Variants in KLRF2 observed in about 807,000 individuals in gnomAD.
KLRF2 encodes killer cell lectin-like receptor subfamily F member 2.
Under a neutral mutation model 25.3 loss-of-function variants are expected in KLRF2, and 28 were observed. That is an observed-to-expected ratio of 1.11 (90% CI 0.82 to 1.52). KLRF2 has a LOEUF of 1.52. KLRF2 is among the 40% of genes most tolerant of loss of function. The probability of loss-of-function intolerance (pLI) is 0.00; values close to 1 mark genes in which losing one functional copy is unlikely to be tolerated. For synonymous variants in KLRF2, 73 were observed against 85.0 expected (o/e 0.86, Z 0.78); for missense variants, 265 against 245.8 (o/e 1.08, Z -0.52).
chr12:9,882,268 A>G (rs575694230), intron 1 of KLRF2, among the ~76,000 whole-genome samples: 1 of 152,334 alleles, frequency 6.6e-6, no homozygotes, highest in South Asian at 2.1e-4. Flanking sequence ...TCGCAGTGGC[A>G]GTTCTGCCAT....
chr12:9,881,512 C>A lies in KLRF2; in HGVS notation c.-84C>A. 1 of 1,015,808 alleles carries A rather than the reference C, an allele frequency of 9.8e-7. No homozygotes were observed. Among genetic ancestry groups the A allele is most frequent in the Non-Finnish European group, 1.5e-6 (1 of 689,472 alleles). 62.9% of individuals were successfully genotyped at this position (1,015,808 alleles called of 1,614,324 possible). On this transcript the variant is annotated 5_prime_UTR_variant, in exon 1 of 6. Transcript: ENST00000535540. ...TTAGTTTTCTTTTAGTACCTTGTGCCAAAGAGACATATCCAAGGTTGAGAT... is the reference window on the plus strand; with the variant it reads ...TTAGTTTTCTTTTAGTACCTTGTGCAAAAGAGACATATCCAAGGTTGAGAT...
At chr12:9,883,950 A>G (rs1868122064) in intron 1 of KLRF2, among the ~76,000 whole-genome samples, 1 of 152,206 alleles carries the variant, frequency 6.6e-6, no homozygotes, top group Admixed American at 6.5e-5. Context: ...GTTTGTTTAT[A>G]GATAAAAGAA....
chr12:9,887,826 T>G (rs1286135568), intron 2 of KLRF2, among the ~76,000 whole-genome samples: 20 of 148,070 alleles, frequency 1.4e-4, no homozygotes. Flanking sequence ...CCAAGGCAGG[T>G]GGAGCGCTTG....
Position 9,893,459 on chromosome 12 carries a change from C to T in KLRF2, c.397C>T (p.His133Tyr). Residue 133 changes from histidine to tyrosine, a missense_variant, in exon 5 of 6, where the codon CAT becomes TAT. Transcript: ENST00000535540. ...EFIQNSLKPG[H>Y]FGWIGLYVTF... ...CATACAGAACAGTTTAAAACCTGGACATTTTGGTTGGATTGGACTATATGT... is the reference window on the plus strand; with the variant it reads ...CATACAGAACAGTTTAAAACCTGGATATTTTGGTTGGATTGGACTATATGT... 1 of 1,505,058 alleles carries T rather than the reference C, an allele frequency of 6.6e-7. No homozygotes were observed. Among genetic ancestry groups the T allele is most frequent in the Non-Finnish European group, 8.9e-7 (1 of 1,120,432 alleles). The allele number at this position is 1,505,058 out of a possible 1,614,324, so 93.2% of individuals were successfully genotyped here. A position where few individuals can be genotyped will look rare whatever the true frequency, so the allele number is the denominator to read the frequency against.
At chr12:9,892,297 C>T (rs1170384726) in intron 3 of KLRF2, among the ~76,000 whole-genome samples, 1 of 152,094 alleles carries the variant, frequency 6.6e-6, no homozygotes, top group Non-Finnish European at 1.5e-5. Flanking sequence ...AGAATAAGTA[C>T]CCAATGCATC....
At chr12:9,884,127 A>G (rs1868124443) in intron 1 of KLRF2, among the ~76,000 whole-genome samples, 1 of 152,128 alleles carries the variant, frequency 6.6e-6, no homozygotes, top group Non-Finnish European at 1.5e-5. Context: ...TATACATCCA[A>G]TTTATTCAAA....
rs141327204 is a variant in KLRF2 at position 9,894,126 on chromosome 12, TTCTCTC to T, written c.479+608_479+613del. 9.5e-3 allele frequency among the ~76,000 whole-genome samples: 1,235 copies of T among 130,274 alleles called. 14 individuals are homozygous for T. Among genetic ancestry groups the T allele is most frequent in the African/African-American group, 0.031 (1,051 of 33,846 alleles). The allele number at this position is 130,274 out of a possible 152,430, so 85.5% of individuals were successfully genotyped here. A position where few individuals can be genotyped will look rare whatever the true frequency, so the allele number is the denominator to read the frequency against. ...CTCTTTTTCTTTTTCTTTCTTTTCT[TTCTCTC>T]TCTCTCTCTCTCTCTCTCTCTCCCT... On this transcript the variant is annotated intron_variant, in intron 5 of 5. Coordinates refer to ENST00000535540, the MANE Select transcript of KLRF2 (RefSeq NM_001190765.1).
intron 2 of KLRF2, among the ~76,000 whole-genome samples, chr12:9,887,276 G>A (rs1186088324): frequency 6.6e-6 from 1 of 152,042 alleles, no homozygotes; most frequent in Non-Finnish European, 1.5e-5. Flanking sequence ...AGAAAGAGAT[G>A]ATAGATTAGA....
intron 2 of KLRF2, 138 bp from the exon 3 acceptor site, chr12:9,888,595 G>C (rs1862634570): frequency 2.0e-6 from 1 of 511,538 alleles, no homozygotes; most frequent in African/African-American, 1.9e-5. Context: ...GGAAGAAGAG[G>C]AGTGGATGCA....
intron 2 of KLRF2, among the ~76,000 whole-genome samples, chr12:9,886,278 G>A (rs959393658): frequency 6.6e-6 from 1 of 151,962 alleles, no homozygotes; most frequent in South Asian, 2.1e-4. Flanking sequence ...ATGGCTTCCA[G>A]TCAAAATGGA....
chr12:9,885,173 A>G (rs1868136072), intron 2 of KLRF2, 141 bp downstream of exon 2: 1 of 328,218 alleles, frequency 3.0e-6, no homozygotes, highest in Non-Finnish European at 5.4e-6. Flanking sequence ...AAATTTAAAA[A>G]ATTAAATGCT....
At position 9,889,227 on chromosome 12, in the gene KLRF2, TATA is replaced by T. The variant is rs367998339; in HGVS notation, c.217+455_217+457del. 5.8e-3 allele frequency among the ~76,000 whole-genome samples: 880 copies of T among 152,328 alleles called. 4 individuals carry two copies. Among genetic ancestry groups the T allele is most frequent in the Non-Finnish European group, 0.01 (692 of 68,034 alleles). ...TTTTTAAACTTTCAAATGAGGATATTATAATAATAACTGTGTCACAGAATATTT... is the reference window on the plus strand; with the variant it reads ...TTTTTAAACTTTCAAATGAGGATATTATAATAACTGTGTCACAGAATATTT... On this transcript the variant is annotated intron_variant, in intron 3 of 5. Transcript: ENST00000535540.
rs1024152829 is a variant in KLRF2, at chr12:9,893,426, C to T, written c.367-3C>T. ...ATGAATAAATGCACTATTTCTTCTG[C>T]AGGAGTTCATACAGAACAGTTTAAA... On this transcript the variant is annotated splice_region_variant and splice_polypyrimidine_tract_variant and intron_variant, in intron 4 of 5. Coordinates refer to ENST00000535540, the MANE Select transcript of KLRF2 (RefSeq NM_001190765.1). 2.2e-5 allele frequency: 28 copies of T among 1,293,512 alleles called. No individual in the cohort carries two copies. Among genetic ancestry groups the T allele is most frequent in the African/African-American group, 5.8e-5 (4 of 68,978 alleles). 80.1% of individuals were successfully genotyped at this position (1,293,512 alleles called of 1,614,324 possible).
chr12:9,881,823 TC>T (rs2136991739), intron 1 of KLRF2, among the ~76,000 whole-genome samples, 158 bp downstream of exon 1: 1 of 152,194 alleles, frequency 6.6e-6, no homozygotes, highest in Non-Finnish European at 1.5e-5. Flanking sequence ...CATGAAAGCA[TC>T]AACAATAAAA....
chr12:9,887,404 A>C (rs1862610832), intron 2 of KLRF2, among the ~76,000 whole-genome samples: 1 of 152,232 alleles, frequency 6.6e-6, no homozygotes, highest in South Asian at 2.1e-4. Context: ...TCAGATTTTT[A>C]AACGCACCTA....
intron 5 of KLRF2, among the ~76,000 whole-genome samples, chr12:9,894,372 G>A (rs546653448): frequency 4.5e-4 from 69 of 151,942 alleles, no homozygotes; most frequent in Non-Finnish European, 9.1e-4. Flanking sequence ...TTGTAGAGAC[G>A]GGGTTTTGCC....
rs139925750 is a variant in KLRF2 at position 9,887,071 on chromosome 12, A to G, written c.170-1662A>G. Among the ~76,000 whole-genome samples the G allele has an allele frequency of 1.9e-3, 293 of 152,310 alleles. 2 individuals are homozygous for G. The highest frequency in any genetic ancestry group is 6.8e-3 in the African/African-American group (282 of 41,566). On this transcript the variant is annotated intron_variant, in intron 2 of 5. Coordinates refer to ENST00000535540, the MANE Select transcript of KLRF2 (RefSeq NM_001190765.1). ...TGAGATGGAAAATCAAAAAATGCCTATTTATCCAGAAAGGTCAATAGCTCT... is the reference window on the plus strand; with the variant it reads ...TGAGATGGAAAATCAAAAAATGCCTGTTTATCCAGAAAGGTCAATAGCTCT...
Position 9,893,095 on chromosome 12 carries a change from C to T in KLRF2, c.293C>T (p.Thr98Met), listed in dbSNP as rs184171143. The change falls in exon 4 of 6, where the codon ACG becomes ATG. Residue 98 changes from threonine to methionine, a missense_variant. Transcript: ENST00000535540. ...KCYWFSTSFK[T>M]WKESQRDCTQ... is the part of the protein sequence containing the mutation. ...TACTGGTTTTCAACTTCTTTTAAAA[C>T]GTGGAAAGAGAGTCAACGTGATTGT... is the stretch of plus-strand genomic sequence containing the variant. 28 of 1,535,302 alleles carry T rather than the reference C, an allele frequency of 1.8e-5. No individual in the cohort carries two copies. Among genetic ancestry groups the T allele is most frequent in the South Asian group, 2.4e-5 (2 of 84,012 alleles).
chr12:9,882,673 T>TGGGAGGCTGAGGC (rs1189146478), intron 1 of KLRF2, among the ~76,000 whole-genome samples: 1 of 151,736 alleles, frequency 6.6e-6, no homozygotes, highest in Non-Finnish European at 1.5e-5. Flanking sequence ...CCCAACTACT[T>TGGGAGGCTGAGGC]GGGAGGCTGA....
Sources: gnomAD v4.1 joint callset for allele counts (sites outside exome capture counted in the v4.1 genomes callset) on GRCh38, gnomAD v4.1.1 for gene constraint, MANE v1.5 for transcripts, NCBI Gene and HGNC (gene_info 2026-07-23, HGNC 2026-07-21) for gene names.